TUB: variants seen among roughly 807,000 people sequenced by gnomAD.
TUB encodes tubby protein homolog.
In TUB, 33 loss-of-function variants were observed where a neutral mutation model predicts 59.7. The ratio of observed to expected loss-of-function variants is 0.55; its 90% CI spans 0.42 to 0.74. The LOEUF is 0.74. Ranked by LOEUF, TUB falls within the 30% of genes least tolerant of loss-of-function variation. TUB has a pLI of 0.00. For missense variants in TUB, 659 were observed against 672.0 expected (o/e 0.98, Z 0.21); for synonymous variants, 293 against 256.4 (o/e 1.14, Z -1.36).
chr11:8,040,111 C>A (rs1162786897), intron 2 of TUB, among the ~76,000 whole-genome samples: 10 of 152,186 alleles, frequency 6.6e-5, no homozygotes, highest in Non-Finnish European at 1.5e-4. Flanking sequence ...GCCCCCCTGC[C>A]CTCCCATTGC....
At chr11:8,038,204 G>A (rs1407092596), upstream of TUB, among the ~76,000 whole-genome samples, 1 of 152,172 alleles carries the variant, frequency 6.6e-6, no homozygotes, top group Non-Finnish European at 1.5e-5. Context: ...GGGGTGCAGG[G>A]TCCAGAGAGC....
Position 8,098,850 on chromosome 11 carries a change from G to T in TUB, c.1091G>T (p.Arg364Leu), listed in dbSNP as rs1424030779. Residue 364 changes from arginine to leucine, a missense_variant, in exon 9 of 12, where the codon CGT becomes CTT. Transcript: ENST00000299506. ...SSSTLESGTL[R>L]QELAAVCYET... Reference sequence around the variant, plus strand: ...TCCACTTTGGAAAGTGGAACCTTACGTCAGGAGCTGGCAGCTGTGTGCTAC... The same window carrying T: ...TCCACTTTGGAAAGTGGAACCTTACTTCAGGAGCTGGCAGCTGTGTGCTAC... 1 of 1,614,024 alleles carries T rather than the reference G, an allele frequency of 6.2e-7. No homozygotes were observed. Among genetic ancestry groups the T allele is most frequent in the Non-Finnish European group, 8.5e-7 (1 of 1,179,934 alleles).
At chr11:8,089,316 G>A (rs1377663638) in intron 1 of TUB, among the ~76,000 whole-genome samples, 2 of 152,274 alleles carry the variant, frequency 1.3e-5, no homozygotes, top group East Asian at 3.9e-4. Flanking sequence ...TCTCAGTCAG[G>A]CCCGGCCCTG....
rs543427931 is a variant in TUB at position 8,101,815 on chromosome 11, C to T, written c.*196C>T. The T allele has an allele frequency of 4.4e-5, 30 of 680,972 alleles. No individual in the cohort carries two copies. Among genetic ancestry groups the T allele is most frequent in the African/African-American group, 2.4e-4 (13 of 54,702 alleles). The allele number at this position is 680,972 out of a possible 1,614,324, so 42.2% of individuals were successfully genotyped here. A position where few individuals can be genotyped will look rare whatever the true frequency, so the allele number is the denominator to read the frequency against. On this transcript the variant is annotated 3_prime_UTR_variant, in exon 12 of 12. Transcript: ENST00000299506. ...ACTGAGGCAGGGGAGTAGTGGAGAG[C>T]GGGTGGGTGGGTGTGAAGGGATGAG... is the stretch of plus-strand genomic sequence containing the variant.
At chr11:8,041,297 C>A (rs1942746590) in intron 2 of TUB, among the ~76,000 whole-genome samples, 1 of 152,166 alleles carries the variant, frequency 6.6e-6, no homozygotes, top group Non-Finnish European at 1.5e-5. Flanking sequence ...CTGCACAATT[C>A]AAGATGGTGC....
chr11:8,030,149 C>T (rs1017760558), intron 1 of TUB, among the ~76,000 whole-genome samples: 11 of 152,176 alleles, frequency 7.2e-5, no homozygotes, highest in African/African-American at 2.6e-4. Context: ...TTGGGACTTG[C>T]CCGCGCTGAA....
Position 8,103,344 on chromosome 11 carries a change from G to T in TUB, c.*1725G>T, listed in dbSNP as rs1944388334. 1 of 152,138 alleles carries T rather than the reference G, an allele frequency of 6.6e-6. No homozygotes were observed. The highest frequency in any genetic ancestry group is 6.5e-5 in the Admixed American group (1 of 15,280). 9.4% of individuals were successfully genotyped at this position (152,138 alleles called of 1,614,324 possible). A position where few individuals can be genotyped will look rare whatever the true frequency, so the allele number is the denominator to read the frequency against. ...CTGAAATTGGTGGGAAGCAAGCAGG[G>T]GTCGTACCTTGCTTTAGAGTAGATG... On this transcript the variant is annotated 3_prime_UTR_variant, in exon 12 of 12. Coordinates refer to ENST00000299506, the MANE Select transcript of TUB (RefSeq NM_177972.3).
chr11:8,057,164 A>T (rs1007540844), intron 2 of TUB, among the ~76,000 whole-genome samples: 1 of 152,084 alleles, frequency 6.6e-6, no homozygotes, highest in Non-Finnish European at 1.5e-5. Flanking sequence ...ACTCTCCTGG[A>T]ACTGGCCCAC....
At chr11:8,065,308 G>T (rs1042039832) in intron 2 of TUB, among the ~76,000 whole-genome samples, 5 of 152,312 alleles carry the variant, frequency 3.3e-5, no homozygotes, top group Admixed American at 1.3e-4. Flanking sequence ...TGGGGCCAGG[G>T]CATTGGTGGT....
chr11:8,051,603 C>T (rs1382885983), intron 2 of TUB, among the ~76,000 whole-genome samples: 1 of 152,164 alleles, frequency 6.6e-6, no homozygotes, highest in Non-Finnish European at 1.5e-5. Flanking sequence ...CCACTCTCTC[C>T]GCACAGTATC....
rs765032093 is a variant in TUB, at chr11:8,090,070, G to A, written c.92G>A (p.Arg31Gln). Reference sequence around the variant, plus strand: ...CAGCCAACCTCTGTGCCTCCATAGCGGGCCCTGCTGGAGCAGAAGCAGAAG... The same window carrying A: ...CAGCCAACCTCTGTGCCTCCATAGCAGGCCCTGCTGGAGCAGAAGCAGAAG... ...NLRQQKLDRQRALLEQKQKKK... is the reference protein window; with the variant it reads ...NLRQQKLDRQQALLEQKQKKK... Residue 31 changes from arginine to glutamine, a missense_variant and splice_region_variant, in exon 3 of 12, where the codon CGG (arginine) becomes CAG (glutamine). Around this residue, in one of 3 missense-constraint regions of TUB, gnomAD observed 321 missense variants for 304.3 expected, o/e 1.05. Coordinates refer to ENST00000299506, the MANE Select transcript of TUB (RefSeq NM_177972.3). 17 of 1,602,074 alleles carry A rather than the reference G, an allele frequency of 1.1e-5. No homozygotes were observed. Among genetic ancestry groups the A allele is most frequent in the African/African-American group, 2.7e-5 (2 of 74,672 alleles).
intron 3 of TUB, among the ~76,000 whole-genome samples, chr11:8,091,575 A>G (rs139295488): frequency 6.6e-6 from 1 of 152,294 alleles, no homozygotes; most frequent in African/African-American, 2.4e-5. Flanking sequence ...ACAGACGCCA[A>G]ATGGTCTCTC....
chr11:8,037,294 C>T (rs772335754), upstream of TUB, among the ~76,000 whole-genome samples: 1 of 152,216 alleles, frequency 6.6e-6, no homozygotes, highest in Non-Finnish European at 1.5e-5. Flanking sequence ...CCTTTCCTTT[C>T]TCTGAGCCTG....
chr11:8,090,387 A>T lies in TUB; in HGVS notation c.253+156A>T, dbSNP rs550570951. Among the ~76,000 whole-genome samples the T allele has an allele frequency of 2.0e-5, 3 of 152,348 alleles. No homozygotes were observed. In the South Asian group the frequency reaches 6.2e-4, roughly 32 times the overall value. On this transcript the variant is annotated intron_variant, in intron 3 of 11. Transcript: ENST00000299506. The stretch of plus-strand genomic sequence containing the variant: ...ACAGCTGAGTAGGGAGGGCAGAGGG[A>T]AGGTGGACCTGTAGCCTTGGGCGCC...
At chr11:8,098,979 G>C in intron 9 of TUB, 104 bp downstream of exon 9, 1 of 867,966 alleles carries the variant, frequency 1.2e-6, no homozygotes, top group Non-Finnish European at 1.9e-6. Context: ...GGGTAGACAA[G>C]GCTGTGTGGA....
In TUB at chr11:8,102,144, C is replaced by T. The variant is rs1015459100; in HGVS notation, c.*525C>T. On this transcript the variant is annotated 3_prime_UTR_variant, in exon 12 of 12. Coordinates refer to ENST00000299506, the MANE Select transcript of TUB (RefSeq NM_177972.3). ...CTGGCCCTTAAACAACTGCAGAAAG[C>T]CCTTCAACTTCAGAAGGCCTCACTC... 4.6e-5 allele frequency: 7 copies of T among 152,950 alleles called. No individual in the cohort carries two copies. Among genetic ancestry groups the T allele is most frequent in the African/African-American group, 1.7e-4 (7 of 41,470 alleles). The allele number at this position is 152,950 out of a possible 1,614,324, so 9.5% of individuals were successfully genotyped here. A position where few individuals can be genotyped will look rare whatever the true frequency, so the allele number is the denominator to read the frequency against.
At position 8,100,915 on chromosome 11, in the gene TUB, C is replaced by T. The variant is rs765100990; in HGVS notation, c.1305C>T (p.Asp435=). 3 of 1,614,040 alleles carry T rather than the reference C, an allele frequency of 1.9e-6. No homozygotes were observed. Among genetic ancestry groups the T allele is most frequent in the South Asian group, 2.2e-5 (2 of 91,090 alleles). ...ACAAGACACCTGTCTGGAATGATGA[C>T]ACACAGTCCTATGTACTCAACTTCC... ...LQNKTPVWND[D]TQSYVLNFHG... The change falls in exon 11 of 12, where the codon GAC becomes GAT. Residue 435 remains aspartate (D), a synonymous_variant. Coordinates refer to ENST00000299506, the MANE Select transcript of TUB (RefSeq NM_177972.3).
chr11:8,027,425 T>C (rs957608780), intron 1 of TUB, among the ~76,000 whole-genome samples: 2 of 152,258 alleles, frequency 1.3e-5, no homozygotes, highest in Non-Finnish European at 2.9e-5. Context: ...GATTCATTCA[T>C]GTTGTAGCAT....
intron 2 of TUB, among the ~76,000 whole-genome samples, chr11:8,052,621 C>G (rs576439719): frequency 6.6e-6 from 1 of 152,144 alleles, no homozygotes; most frequent in South Asian, 2.1e-4. Flanking sequence ...AGGTGCCCAC[C>G]ACCACGCCCT....
Sources: gnomAD v4.1 joint callset for allele counts (sites outside exome capture counted in the v4.1 genomes callset) on GRCh38, gnomAD v4.1.1 for gene constraint, gnomAD v4.1.1 regional missense constraint, MANE v1.5 for transcripts, NCBI Gene and HGNC (gene_info 2026-07-23, HGNC 2026-07-21) for gene names.